Variants in TRMT9B observed in about 807,000 individuals in gnomAD.
TRMT9B encodes tRNA methyltransferase 9B (putative).
In TRMT9B, 16 loss-of-function variants were observed where a neutral mutation model predicts 11.5. The observed-to-expected ratio is 1.39, with a 90% CI of 0.94 to 2.11. The LOEUF is 2.11. TRMT9B is among the 30% of genes most tolerant of loss of function. The pLI, the probability that TRMT9B is intolerant of heterozygous loss-of-function variation, is 0.00. For missense variants in TRMT9B, 941 were observed against 553.8 expected (o/e 1.70, Z -7.02); for synonymous variants, 274 against 192.4 (o/e 1.42, Z -3.51).
At chr8:13,008,540 G>T (rs974404245) in intron 3 of TRMT9B, among the ~76,000 whole-genome samples, 5 of 152,108 alleles carry the variant, frequency 3.3e-5, no homozygotes, top group Non-Finnish European at 7.4e-5. Flanking sequence ...ATAAATTTCA[G>T]CAGGTACATT....
intron 2 of TRMT9B, among the ~76,000 whole-genome samples, chr8:12,998,674 G>A (rs887143501): frequency 6.6e-6 from 1 of 152,190 alleles, no homozygotes; most frequent in Admixed American, 6.5e-5. Context: ...CACTCTTGGG[G>A]ACAAAACAAA....
At chr8:12,961,467 C>T (rs1227350276) in intron 1 of TRMT9B, among the ~76,000 whole-genome samples, 2 of 151,762 alleles carry the variant, frequency 1.3e-5, no homozygotes, top group Non-Finnish European at 2.9e-5. Context: ...TTTGGGAGGC[C>T]GAGGTGGGCG....
chr8:12,957,600 A>G (rs1321874405), intron 1 of TRMT9B, among the ~76,000 whole-genome samples: 1 of 152,184 alleles, frequency 6.6e-6, no homozygotes, highest in Non-Finnish European at 1.5e-5. Flanking sequence ...GACACTTTTG[A>G]GAGTGAAGAG....
chr8:13,026,716 C>T lies in TRMT9B; in HGVS notation c.*4672C>T, dbSNP rs1402970429. Reference sequence around the variant, plus strand: ...GGTTACACACATAGTAGGTATCACACATTTAGTTAGAGGCAGAGCTGGGAT... The same window carrying T: ...GGTTACACACATAGTAGGTATCACATATTTAGTTAGAGGCAGAGCTGGGAT... On this transcript the variant is annotated 3_prime_UTR_variant, in exon 5 of 5. Coordinates refer to ENST00000524591, the MANE Select transcript of TRMT9B (RefSeq NM_020844.3). 2 of 167,112 alleles carry T rather than the reference C, an allele frequency of 1.2e-5. No individual in the cohort carries two copies. Among genetic ancestry groups the T allele is most frequent in the African/African-American group, 2.4e-5 (1 of 41,468 alleles). The allele number at this position is 167,112 out of a possible 1,614,324, so 10.4% of individuals were successfully genotyped here.
intron 4 of TRMT9B, among the ~76,000 whole-genome samples, chr8:13,013,675 G>T (rs1344576903): frequency 6.6e-6 from 1 of 152,160 alleles, no homozygotes; most frequent in Non-Finnish European, 1.5e-5. Flanking sequence ...CTATTTGGCC[G>T]GGTGCAGCGG....
chr8:12,996,530 C>G (rs1391544848), intron 2 of TRMT9B, among the ~76,000 whole-genome samples: 1 of 152,210 alleles, frequency 6.6e-6, no homozygotes, highest in Non-Finnish European at 1.5e-5. Flanking sequence ...TTCACCTGAT[C>G]TTTGAACCCA....
chr8:13,022,121 G>C lies in TRMT9B; in HGVS notation c.*77G>C. On this transcript the variant is annotated 3_prime_UTR_variant, in exon 5 of 5. Coordinates refer to ENST00000524591, the MANE Select transcript of TRMT9B (RefSeq NM_020844.3). ...TGGTTTGATATGGTTACCTGAATTT[G>C]CATTCAGTGTTATTTGTTAATCCAT... 2.0e-6 allele frequency: 2 copies of C among 1,020,668 alleles called. No homozygotes were observed. The highest frequency in any genetic ancestry group is 3.4e-5 in the South Asian group (2 of 58,238). 63.2% of individuals were successfully genotyped at this position (1,020,668 alleles called of 1,614,324 possible). A position where few individuals can be genotyped will look rare whatever the true frequency, so the allele number is the denominator to read the frequency against.
chr8:12,976,585 C>A, intron 1 of TRMT9B, among the ~76,000 whole-genome samples: 1 of 150,974 alleles, frequency 6.6e-6, no homozygotes, highest in Non-Finnish European at 1.5e-5. Flanking sequence ...ACTAAAAATA[C>A]AAAAAATAAA....
In TRMT9B at chr8:13,021,484, A is replaced by G. The variant is rs753630195; in HGVS notation, c.805A>G (p.Arg269Gly). ...TCTGAGGAAGCAAATTGAAAGAGTA[A>G]GACCCTTGAAAAACACAGAAGTTTG... ...STLRKQIERV[R>G]PLKNTEVWAS... Residue 269 changes from arginine to glycine, a missense_variant, in exon 5 of 5, where the codon AGA becomes GGA. Coordinates refer to ENST00000524591, the MANE Select transcript of TRMT9B (RefSeq NM_020844.3). 6.2e-7 allele frequency: 1 copy of G among 1,613,898 alleles called. No individual in the cohort carries two copies. The highest frequency in any genetic ancestry group is 1.1e-5 in the South Asian group (1 of 91,074).
intron 2 of TRMT9B, among the ~76,000 whole-genome samples, chr8:13,000,869 G>C (rs1481738802): frequency 6.6e-6 from 1 of 152,128 alleles, no homozygotes; most frequent in African/African-American, 2.4e-5. Context: ...AATATTTCAG[G>C]GCTAGAACAG....
intron 1 of TRMT9B, among the ~76,000 whole-genome samples, chr8:12,948,698 T>C (rs1471078445): frequency 2.6e-5 from 4 of 152,042 alleles, no homozygotes; most frequent in Admixed American, 6.6e-5. Flanking sequence ...CGGTGGCTCA[T>C]GCCTGTAATC....
intron 1 of TRMT9B, among the ~76,000 whole-genome samples, chr8:12,966,151 C>CA (rs554361545): frequency 0.069 from 3,131 of 45,234 alleles, 29 homozygotes; most frequent in Non-Finnish European, 0.13. Flanking sequence ...CATAGTAAGA[C>CA]CCCCCCCATC....
rs1299675062 is a variant in TRMT9B at position 13,028,337 on chromosome 8, A to G, written c.*6293A>G. 1 of 167,108 alleles carries G rather than the reference A, an allele frequency of 6.0e-6. No homozygotes were observed. The highest frequency in any genetic ancestry group is 1.5e-5 in the Non-Finnish European group (1 of 68,134). 10.4% of individuals were successfully genotyped at this position (167,108 alleles called of 1,614,324 possible). A position where few individuals can be genotyped will look rare whatever the true frequency, so the allele number is the denominator to read the frequency against. ...TTTGACAAATAAATACTAGAGCTGC[A>G]GAAAGTAAAGTTTACTCCAACCCAA... On this transcript the variant is annotated 3_prime_UTR_variant, in exon 5 of 5. Coordinates refer to ENST00000524591, the MANE Select transcript of TRMT9B (RefSeq NM_020844.3).
intron 4 of TRMT9B, among the ~76,000 whole-genome samples, chr8:13,018,098 TAA>T (rs372443756): frequency 2.2e-5 from 3 of 134,896 alleles, no homozygotes; most frequent in African/African-American, 2.8e-5. Context: ...AGGACTTTCT[TAA>T]AAAAAAAAAA....
chr8:13,010,155 C>G (rs893431097), intron 3 of TRMT9B: 27 of 664,984 alleles, frequency 4.1e-5, no homozygotes, highest in Non-Finnish European at 5.0e-5. Context: ...AAAAAAAAGT[C>G]TCACAAATAA....
chr8:13,014,538 A>G (rs1812261031), intron 4 of TRMT9B, among the ~76,000 whole-genome samples: 1 of 152,194 alleles, frequency 6.6e-6, no homozygotes, highest in Non-Finnish European at 1.5e-5. Flanking sequence ...CATTAAGCCC[A>G]TAATGGGGGC....
At chr8:12,995,717 A>T (rs769397240) in intron 2 of TRMT9B, among the ~76,000 whole-genome samples, 1 of 152,228 alleles carries the variant, frequency 6.6e-6, no homozygotes. Context: ...TTCATCTATT[A>T]GTTGTGTGTG....
At chr8:12,973,114 C>T (rs192607540) in intron 1 of TRMT9B, among the ~76,000 whole-genome samples, 2 of 152,318 alleles carry the variant, frequency 1.3e-5, no homozygotes, top group East Asian at 3.9e-4. Flanking sequence ...GCTTATTTCA[C>T]TGAGCATAAT....
intron 1 of TRMT9B, among the ~76,000 whole-genome samples, chr8:12,971,107 A>G (rs921058860): frequency 6.6e-6 from 1 of 152,190 alleles, no homozygotes; most frequent in Non-Finnish European, 1.5e-5. Context: ...TCAAACATGT[A>G]TCTTTGCCTT....
Sources: gnomAD v4.1 joint callset for allele counts (sites outside exome capture counted in the v4.1 genomes callset) on GRCh38, gnomAD v4.1.1 for gene constraint, MANE v1.5 for transcripts, NCBI Gene and HGNC (gene_info 2026-07-23, HGNC 2026-07-21) for gene names.